Variants in DENND4A observed in about 807,000 individuals in gnomAD.
DENND4A encodes DENN domain containing 4A, also known as C-myc promoter-binding protein.
Under a neutral mutation model 199.3 loss-of-function variants are expected in DENND4A, and 70 were observed. The observed-to-expected ratio is 0.35, with a 90% CI of 0.29 to 0.43. DENND4A has a LOEUF of 0.43. Among genes scored for constraint, DENND4A ranks in the 20% least tolerant of loss-of-function variants. The probability of loss-of-function intolerance (pLI) is 1.00; values close to 1 mark genes in which losing one functional copy is unlikely to be tolerated. For missense variants in DENND4A, 1,723 were observed against 2,255.8 expected (o/e 0.76, Z 4.78); for synonymous variants, 686 against 766.9 (o/e 0.89, Z 1.74).
chr15:65,733,615 T>C (rs896681068), intron 7 of DENND4A, among the ~76,000 whole-genome samples: 1 of 152,086 alleles, frequency 6.6e-6, no homozygotes, highest in Non-Finnish European at 1.5e-5. Flanking sequence ...ACAGGATATG[T>C]AAAAAAGTCA....
intron 22 of DENND4A, 141 bp downstream of exon 22, chr15:65,696,225 A>T: frequency 9.9e-7 from 1 of 1,012,880 alleles, no homozygotes; most frequent in Non-Finnish European, 1.4e-6. Flanking sequence ...AACTCAAGTT[A>T]CTAAGCTATG....
intron 7 of DENND4A, among the ~76,000 whole-genome samples, chr15:65,733,227 C>T (rs960970864): frequency 6.6e-6 from 1 of 152,094 alleles, no homozygotes; most frequent in Non-Finnish European, 1.5e-5. Context: ...CAGTTTAATA[C>T]TTCTAAAAAC....
intron 23 of DENND4A, among the ~76,000 whole-genome samples, chr15:65,688,184 T>C (rs2076856645): frequency 6.6e-6 from 1 of 152,238 alleles, no homozygotes; most frequent in African/African-American, 2.4e-5. Context: ...TTTGATCAGT[T>C]TACATTGGAT....
chr15:65,676,078 G>A (rs1469918268), intron 24 of DENND4A, among the ~76,000 whole-genome samples: 1 of 149,228 alleles, frequency 6.7e-6, no homozygotes, highest in East Asian at 2.0e-4. Context: ...AAAAAATCAA[G>A]GGGTAGGAAA....
intron 20 of DENND4A, among the ~76,000 whole-genome samples, chr15:65,697,795 T>C (rs1159002375): frequency 6.6e-6 from 1 of 152,228 alleles, no homozygotes; most frequent in Non-Finnish European, 1.5e-5. Context: ...CATAGGTCAC[T>C]AGAGCTAAAT....
intron 24 of DENND4A, among the ~76,000 whole-genome samples, chr15:65,673,711 G>A (rs1371375831): frequency 6.6e-6 from 1 of 151,138 alleles, no homozygotes. Flanking sequence ...GGCAGAAAAC[G>A]AGCTGAAATC....
intron 1 of DENND4A, chr15:65,771,523 T>C (rs923270819): frequency 1.9e-6 from 3 of 1,611,638 alleles, no homozygotes; most frequent in Non-Finnish European, 2.5e-6. Context: ...GGCTTAATAA[T>C]GACACGAGGA....
chr15:65,721,840 G>T (rs2075655792), intron 12 of DENND4A, among the ~76,000 whole-genome samples: 1 of 152,062 alleles, frequency 6.6e-6, no homozygotes, highest in Non-Finnish European at 1.5e-5. Flanking sequence ...TTCTGAATGG[G>T]TCATCTGCTA....
chr15:65,759,464 C>T lies in DENND4A; in HGVS notation c.-23+1896G>A, dbSNP rs192542210. On this transcript the variant is annotated intron_variant, in intron 2 of 32. Coordinates refer to ENST00000443035, the MANE Select transcript of DENND4A (RefSeq NM_001320835.1). ...CTGCACTCCAGCCTGGGCGACCGAG[C>T]GAGACTCCATCTGGAAAAAAAAAGG... is the stretch of plus-strand genomic sequence containing the variant. Among the ~76,000 whole-genome samples, 287 of 151,308 alleles carry T rather than the reference C, an allele frequency of 1.9e-3. 1 individual carries two copies. The Middle Eastern group carries it at 0.02, about 11-fold the overall frequency.
intron 23 of DENND4A, among the ~76,000 whole-genome samples, chr15:65,680,177 C>T (rs555391506): frequency 1.4e-4 from 21 of 152,228 alleles, no homozygotes; most frequent in East Asian, 5.8e-4. Flanking sequence ...GCCTGCTCAC[C>T]TGGGCTTCAT....
intron 32 of DENND4A, among the ~76,000 whole-genome samples, chr15:65,663,188 A>ATTT: frequency 8.1e-6 from 1 of 123,100 alleles, no homozygotes; most frequent in African/African-American, 3.5e-5. Flanking sequence ...ATATATATAT[A>ATTT]TATATATATA....
chr15:65,681,598 T>C (rs1302859373), intron 23 of DENND4A, among the ~76,000 whole-genome samples: 1 of 147,938 alleles, frequency 6.8e-6, no homozygotes, highest in African/African-American at 2.5e-5. Context: ...TTTTTTGAGA[T>C]GGGGGTATAA....
chr15:65,713,744 A>C (rs538138045), intron 14 of DENND4A, among the ~76,000 whole-genome samples: 109 of 152,304 alleles, frequency 7.2e-4, no homozygotes, highest in Non-Finnish European at 1.3e-3. Context: ...TTCTTAGAGC[A>C]ATTCTTGGTT....
chr15:65,700,982 T>A, intron 19 of DENND4A, 69 bp downstream of exon 19: 1 of 1,491,430 alleles, frequency 6.7e-7, no homozygotes, highest in Non-Finnish European at 9.0e-7. Flanking sequence ...CTATTTAAAA[T>A]TTCTAAAAAT....
intron 14 of DENND4A, among the ~76,000 whole-genome samples, chr15:65,706,493 CACAT>C (rs773812982): frequency 0.1 from 10,389 of 101,354 alleles, 415 homozygotes; most frequent in African/African-American, 0.23. Flanking sequence ...CACACACACA[CACAT>C]ATATATATAT....
chr15:65,694,101 T>C (rs1245498766), intron 22 of DENND4A, among the ~76,000 whole-genome samples: 1 of 152,168 alleles, frequency 6.6e-6, no homozygotes, highest in Admixed American at 6.5e-5. Flanking sequence ...TAAACTTCTC[T>C]GTGGTTGAAC....
chr15:65,667,602 T>A lies in DENND4A; in HGVS notation c.5088A>T (p.Glu1696Asp). 4 of 1,614,008 alleles carry A rather than the reference T, an allele frequency of 2.5e-6. No homozygotes were observed. Among genetic ancestry groups the A allele is most frequent in the Non-Finnish European group, 3.4e-6 (4 of 1,179,878 alleles). ...VVWKELESLL[E>D]NEGDHAITVA... ...CTGTTATTGCATGATCACCTTCATT[T>A]TCCAATAAGCTTTCAAGTTCTTTCC... Residue 1696 changes from glutamate (E) to aspartate (D), a missense_variant, in exon 29 of 33, where the codon GAA becomes GAT. By Grantham distance (45) the Glu-to-Asp change is conservative (BLOSUM62 2). This residue lies in a region of DENND4A where 164 missense variants were observed against 280.1 expected (regional missense o/e 0.59). Transcript: ENST00000443035.
At chr15:65,791,253 C>T (rs145814312) in intron 1 of DENND4A, among the ~76,000 whole-genome samples, 12 of 152,286 alleles carry the variant, frequency 7.9e-5, no homozygotes, top group African/African-American at 2.9e-4. Context: ...TAGGCGTAAC[C>T]ATACGTTTGA....
At chr15:65,786,187 CTCA>C (rs1357720894) in intron 1 of DENND4A, among the ~76,000 whole-genome samples, 1 of 152,068 alleles carries the variant, frequency 6.6e-6, no homozygotes, top group Non-Finnish European at 1.5e-5. Flanking sequence ...AATTTAAATG[CTCA>C]TCAATAGAAG....
Sources: gnomAD v4.1 joint callset for allele counts (sites outside exome capture counted in the v4.1 genomes callset) on GRCh38, gnomAD v4.1.1 for gene constraint, gnomAD v4.1.1 regional missense constraint, MANE v1.5 for transcripts, NCBI Gene and HGNC (gene_info 2026-07-23, HGNC 2026-07-21) for gene names.